The following IL1RL2 variants were observed in gnomAD, a reference collection of about 807,000 sequenced individuals.
The protein encoded by IL1RL2 is interleukin-1 receptor-like 2.
A neutral mutation model predicts 66.8 loss-of-function variants in IL1RL2; 68 were observed. The ratio of observed to expected loss-of-function variants is 1.02; its 90% CI spans 0.84 to 1.25. IL1RL2 has a LOEUF of 1.25. Among genes scored for constraint, IL1RL2 ranks in the 50% most tolerant of loss-of-function variants. IL1RL2 has a pLI of 0.00. For synonymous variants in IL1RL2, 305 were observed against 264.6 expected, an observed-to-expected ratio of 1.15 and a Z score of -1.48; for missense variants, 729 against 709.3, an observed-to-expected ratio of 1.03 and a Z score of -0.32.
rs1432488461 is a variant in IL1RL2 at position 102,192,078 on chromosome 2, C to A, written c.447C>A (p.His149Gln). ...GKDDSLTCHLHFPKSCVLGPI... is the reference protein window; with the variant it reads ...GKDDSLTCHLQFPKSCVLGPI... Reference sequence around the variant, plus strand: ...ATGATAGTCTCACATGTCATCTGCACTTCCCGAAGAGTTGTGTTTTGGGTC... The same window carrying A: ...ATGATAGTCTCACATGTCATCTGCAATTCCCGAAGAGTTGTGTTTTGGGTC... Residue 149 changes from histidine to glutamine, a missense_variant, in exon 4 of 12, where the codon CAC becomes CAA. Transcript: ENST00000264257. The A allele has an allele frequency of 6.2e-7, 1 of 1,603,840 alleles. No individual in the cohort carries two copies. Among genetic ancestry groups the A allele is most frequent in the Non-Finnish European group, 8.5e-7 (1 of 1,176,758 alleles).
chr2:102,223,935 G>A (rs974251128), intron 8 of IL1RL2, among the ~76,000 whole-genome samples: 3 of 152,176 alleles, frequency 2.0e-5, no homozygotes, highest in African/African-American at 4.8e-5. Flanking sequence ...TTGGGCACCG[G>A]TGTGTGGTGC....
intron 11 of IL1RL2, chr2:102,235,925 G>C: frequency 1.0e-6 from 1 of 985,422 alleles, no homozygotes; most frequent in Non-Finnish European, 1.2e-6. Flanking sequence ...ACCCTTCCAT[G>C]TTTGAGAGGC....
intron 5 of IL1RL2, among the ~76,000 whole-genome samples, chr2:102,203,384 A>C (rs1264620436): frequency 2.0e-5 from 3 of 150,884 alleles, no homozygotes; most frequent in Non-Finnish European, 3.0e-5. Flanking sequence ...TTTTGGTATC[A>C]GGGTAATAAC....
chr2:102,230,275 A>G (rs1338912185), intron 9 of IL1RL2, among the ~76,000 whole-genome samples: 2 of 152,106 alleles, frequency 1.3e-5, no homozygotes, highest in Non-Finnish European at 2.9e-5. Flanking sequence ...CTATCTATGG[A>G]AAAAAAATCC....
At chr2:102,188,003 G>A (rs1686847553) in intron 2 of IL1RL2, 78 bp downstream of exon 2, 1 of 1,423,750 alleles carries the variant, frequency 7.0e-7, no homozygotes, top group South Asian at 1.1e-5. Flanking sequence ...AGCCCCCGGG[G>A]ATCGCGTCAG....
Position 102,192,092 on chromosome 2 carries a change from G to C in IL1RL2, c.461G>C (p.Cys154Ser). 6.3e-7 allele frequency: 1 copy of C among 1,596,570 alleles called. No individual in the cohort carries two copies. Among genetic ancestry groups the C allele is most frequent in the Non-Finnish European group, 8.5e-7 (1 of 1,174,852 alleles). ...LTCHLHFPKS[C>S]VLGPIKWYKD... ...TGTCATCTGCACTTCCCGAAGAGTT[G>C]TGTTTTGGGTCCAATAAAGTGGTAT... The change falls in exon 4 of 12, where the codon TGT becomes TCT. Residue 154 changes from cysteine to serine, a missense_variant. Physicochemically the swap from Cys to Ser is moderately radical, Grantham distance 112. Coordinates refer to ENST00000264257, the MANE Select transcript of IL1RL2 (RefSeq NM_003854.4).
At chr2:102,227,167 A>G (rs1470957635) in intron 9 of IL1RL2, among the ~76,000 whole-genome samples, 1 of 152,196 alleles carries the variant, frequency 6.6e-6, no homozygotes, top group Non-Finnish European at 1.5e-5. Flanking sequence ...AAAGTCCCCT[A>G]ATTAGATGAA....
chr2:102,211,504 C>G (rs1430754501), intron 5 of IL1RL2, among the ~76,000 whole-genome samples: 3 of 152,206 alleles, frequency 2.0e-5, no homozygotes, highest in African/African-American at 7.2e-5. Flanking sequence ...CCTCATCCAA[C>G]TTTGACAATT....
intron 8 of IL1RL2, among the ~76,000 whole-genome samples, chr2:102,225,383 C>T (rs893974106): frequency 2.0e-5 from 3 of 152,240 alleles, no homozygotes; most frequent in African/African-American, 7.2e-5. Context: ...GCCAGCCATG[C>T]TGGCTTCCAG....
chr2:102,187,967 C>T lies in IL1RL2; in HGVS notation c.58+42C>T, dbSNP rs202050544. ...CTCCGTTCCCAGAGGCTGCCCGAGT[C>T]CACAGGCTCCTGGCCTGTCATTGGG... On this transcript the variant is annotated intron_variant, in intron 2 of 11. Coordinates refer to ENST00000264257, the MANE Select transcript of IL1RL2 (RefSeq NM_003854.4). 12 of 1,581,662 alleles carry T rather than the reference C, an allele frequency of 7.6e-6. No homozygotes were observed. In the Admixed American group the frequency reaches 2.0e-4, roughly 26 times the overall value.
intron 4 of IL1RL2, among the ~76,000 whole-genome samples, chr2:102,192,950 T>C (rs1687360096): frequency 6.6e-6 from 1 of 152,184 alleles, no homozygotes. Context: ...TCTCATATAT[T>C]CTGGAAAATT....
chr2:102,191,395 G>T (rs544903579), intron 3 of IL1RL2, among the ~76,000 whole-genome samples: 7 of 152,014 alleles, frequency 4.6e-5, no homozygotes, highest in Non-Finnish European at 8.8e-5. Flanking sequence ...TCTCATTGAA[G>T]ACCTTTTATA....
At chr2:102,199,817 G>A (rs35605006) in intron 4 of IL1RL2, among the ~76,000 whole-genome samples, 6,058 of 152,214 alleles carry the variant, frequency 0.04, 311 homozygotes, top group African/African-American at 0.11. Context: ...GACTATCCAG[G>A]GCAGCCTGTC....
chr2:102,210,581 C>A (rs1689086924), intron 5 of IL1RL2, among the ~76,000 whole-genome samples: 1 of 152,142 alleles, frequency 6.6e-6, no homozygotes, highest in Non-Finnish European at 1.5e-5. Flanking sequence ...GGGTTCAAGG[C>A]ACCTTAAGAG....
chr2:102,200,116 GCAAAAAA>G (rs770095482), intron 4 of IL1RL2, among the ~76,000 whole-genome samples: 10,693 of 52,868 alleles, frequency 0.2, 451 homozygotes, highest in African/African-American at 0.25. Context: ...CCCTGTTCCA[GCAAAAAA>G]AAAAAAAAAA....
At chr2:102,201,454 C>A in intron 4 of IL1RL2, 102 bp from the exon 5 acceptor site, 2 of 1,005,704 alleles carry the variant, frequency 2.0e-6, no homozygotes, top group South Asian at 1.4e-5. Flanking sequence ...AGCTAGCTAG[C>A]TATCTGTTGT....
intron 9 of IL1RL2, among the ~76,000 whole-genome samples, chr2:102,228,834 G>T (rs535604797): frequency 6.6e-6 from 1 of 152,354 alleles, no homozygotes; most frequent in East Asian, 1.9e-4. Context: ...AGATTTTCAT[G>T]AGAGAACATG....
chr2:102,194,119 T>C (rs1325513144), intron 4 of IL1RL2, among the ~76,000 whole-genome samples: 1 of 152,164 alleles, frequency 6.6e-6, no homozygotes, highest in Non-Finnish European at 1.5e-5. Context: ...ACCTCTTCCA[T>C]CTTGCAAAAA....
intron 4 of IL1RL2, among the ~76,000 whole-genome samples, chr2:102,195,621 CTT>C (rs1178579375): frequency 3.5e-3 from 62 of 17,546 alleles, no homozygotes; most frequent in Non-Finnish European, 7.5e-3. Flanking sequence ...TTCTTTCTTT[CTT>C]TCTTTCTCTC....
Sources: allele counts gnomAD v4.1 joint callset (sites outside exome capture counted in the v4.1 genomes callset), GRCh38; gene constraint gnomAD v4.1.1; transcripts MANE v1.5; gene names NCBI Gene and HGNC (gene_info 2026-07-23, HGNC 2026-07-21).